Variants in ARL15 observed in about 807,000 individuals in gnomAD.
ARL15 encodes the protein ADP-ribosylation factor-like protein 15.
ARL15 carries 19 observed loss-of-function variants against 25.2 expected under a neutral mutation model. The observed-to-expected ratio is 0.75, with a 90% CI of 0.53 to 1.10. The LOEUF (loss-of-function observed/expected upper bound fraction) is 1.10, where lower values mean the gene tolerates loss of function less well. Ranked by LOEUF, ARL15 falls within the 50% of genes least tolerant of loss-of-function variation. ARL15 has a pLI of 0.00. For missense variants in ARL15, 220 were observed against 246.0 expected, an observed-to-expected ratio of 0.89 and a Z score of 0.71; for synonymous variants, 94 against 86.8, an observed-to-expected ratio of 1.08 and a Z score of -0.46.
chr5:54,230,110 G>A (rs1272406686), intron 1 of ARL15, among the ~76,000 whole-genome samples: 3 of 152,022 alleles, frequency 2.0e-5, no homozygotes, highest in South Asian at 2.1e-4. Flanking sequence ...CCAGCACTTC[G>A]GGAGGCTGAG....
At chr5:53,961,923 A>G (rs1178238853) in intron 4 of ARL15, among the ~76,000 whole-genome samples, 1 of 152,156 alleles carries the variant, frequency 6.6e-6, no homozygotes. Flanking sequence ...ATATTTTTTC[A>G]GGGAGCATAT....
intron 4 of ARL15, among the ~76,000 whole-genome samples, chr5:53,967,896 T>C (rs1185987462): frequency 2.0e-5 from 3 of 149,774 alleles, no homozygotes; most frequent in African/African-American, 7.4e-5. Flanking sequence ...AGGAGGGAAA[T>C]AGAGAAGTGA....
intron 1 of ARL15, among the ~76,000 whole-genome samples, chr5:54,235,854 T>G (rs1219519906): frequency 6.6e-6 from 1 of 152,196 alleles, no homozygotes; most frequent in Non-Finnish European, 1.5e-5. Flanking sequence ...TGACTATACT[T>G]CTATACTGTT....
At chr5:54,257,142 T>C (rs71622110) in intron 1 of ARL15, among the ~76,000 whole-genome samples, 5,792 of 152,160 alleles carry the variant, frequency 0.038, 152 homozygotes, top group Non-Finnish European at 0.057. Context: ...GAAAAGACGA[T>C]GTCAAACTCT....
intron 1 of ARL15, among the ~76,000 whole-genome samples, chr5:54,259,769 C>T (rs1287243128): frequency 1.3e-5 from 2 of 152,196 alleles, no homozygotes; most frequent in African/African-American, 2.4e-5. Context: ...ACAACATTAT[C>T]ACATGGTCTT....
chr5:54,241,440 T>G (rs1486319868), intron 1 of ARL15, among the ~76,000 whole-genome samples: 2 of 152,176 alleles, frequency 1.3e-5, no homozygotes, highest in Admixed American at 6.5e-5. Flanking sequence ...ACTCAGCCTT[T>G]TTGTCTTTTA....
intron 4 of ARL15, among the ~76,000 whole-genome samples, chr5:54,079,305 C>T (rs1751715106): frequency 6.6e-6 from 1 of 152,072 alleles, no homozygotes; most frequent in Non-Finnish European, 1.5e-5. Flanking sequence ...TCAAAATCAC[C>T]CAACCCAATA....
chr5:54,197,809 A>T (rs961280665), intron 1 of ARL15, among the ~76,000 whole-genome samples: 1 of 152,186 alleles, frequency 6.6e-6, no homozygotes, highest in African/African-American at 2.4e-5. Flanking sequence ...GGCCAGCATC[A>T]TCCTGATACC....
chr5:54,267,195 G>A (rs897083813), intron 1 of ARL15, among the ~76,000 whole-genome samples: 3 of 152,136 alleles, frequency 2.0e-5, no homozygotes, highest in Admixed American at 6.5e-5. Flanking sequence ...AGATTCAAGC[G>A]ATTCTCCTGC....
chr5:54,109,427 G>A (rs562431550), intron 4 of ARL15, among the ~76,000 whole-genome samples: 11 of 151,994 alleles, frequency 7.2e-5, no homozygotes, highest in South Asian at 6.2e-4. Flanking sequence ...TTAACAAAAC[G>A]TGTTCTTTTA....
chr5:53,962,003 C>T (rs1328149690), intron 4 of ARL15, among the ~76,000 whole-genome samples: 1 of 152,088 alleles, frequency 6.6e-6, no homozygotes, highest in Non-Finnish European at 1.5e-5. Context: ...TTAGGTTATT[C>T]CCAGTTTGTT....
intron 4 of ARL15, among the ~76,000 whole-genome samples, chr5:53,950,311 C>A (rs1438113918): frequency 1.3e-5 from 2 of 151,450 alleles, no homozygotes; most frequent in African/African-American, 2.4e-5. Context: ...TAGTGAGGAA[C>A]CACTTCTACT....
At chr5:54,287,397 T>A (rs1191882843) in intron 1 of ARL15, among the ~76,000 whole-genome samples, 2 of 151,810 alleles carry the variant, frequency 1.3e-5, no homozygotes, top group Admixed American at 1.3e-4. Context: ...GTCATTCTTA[T>A]AGGCATGTCA....
intron 4 of ARL15, among the ~76,000 whole-genome samples, chr5:54,069,671 G>A (rs947957897): frequency 2.7e-5 from 4 of 150,320 alleles, no homozygotes; most frequent in South Asian, 2.1e-4. Flanking sequence ...TTTCTGAGAC[G>A]GAGTTTCACT....
chr5:54,175,903 C>T (rs26774), intron 1 of ARL15, among the ~76,000 whole-genome samples: 29,768 of 152,018 alleles, frequency 0.2, 3,795 homozygotes, highest in Admixed American at 0.31. Context: ...CCACTCACCC[C>T]GGCTGCCCAA....
At chr5:54,087,259 C>T (rs1038773679) in intron 4 of ARL15, among the ~76,000 whole-genome samples, 9 of 151,780 alleles carry the variant, frequency 5.9e-5, no homozygotes, top group Non-Finnish European at 1.2e-4. Context: ...ATCCGGGAGG[C>T]GGAGCTTGCA....
chr5:54,253,151 T>A (rs1757281064), intron 1 of ARL15, among the ~76,000 whole-genome samples: 1 of 152,172 alleles, frequency 6.6e-6, no homozygotes. Context: ...ATTGTTGAAC[T>A]ATAGGTATAC....
At chr5:54,246,111 T>C (rs1010669475) in intron 1 of ARL15, among the ~76,000 whole-genome samples, 2 of 151,056 alleles carry the variant, frequency 1.3e-5, no homozygotes, top group East Asian at 3.9e-4. Flanking sequence ...AGGTGTGTCC[T>C]AGAAAGTCTA....
intron 4 of ARL15, among the ~76,000 whole-genome samples, chr5:54,098,276 C>T (rs140230848): frequency 1.1e-3 from 164 of 152,196 alleles, no homozygotes; most frequent in African/African-American, 3.9e-3. Context: ...TAACGACAAC[C>T]CTGCTGTTGG....
Sources: gnomAD v4.1 joint callset for allele counts (sites outside exome capture counted in the v4.1 genomes callset) on GRCh38, gnomAD v4.1.1 for gene constraint, MANE v1.5 for transcripts, NCBI Gene and HGNC (gene_info 2026-07-23, HGNC 2026-07-21) for gene names.